The following RCCD1 variants were observed in gnomAD, a reference collection of about 807,000 sequenced individuals.
RCCD1 encodes RCC1 domain containing 1.
In RCCD1, 40 loss-of-function variants were observed where a neutral mutation model predicts 37.6. That is an observed-to-expected ratio of 1.06 (90% CI 0.83 to 1.39). The LOEUF (loss-of-function observed/expected upper bound fraction) is 1.39, where lower values mean the gene tolerates loss of function less well. RCCD1 is among the 40% of genes most tolerant of loss of function. The pLI, the probability that RCCD1 is intolerant of heterozygous loss-of-function variation, is 0.00. For synonymous variants in RCCD1, 263 were observed against 230.0 expected (o/e 1.14, Z -1.30); for missense variants, 577 against 517.3 (o/e 1.12, Z -1.12).
chr15:90,956,140 G>A (rs374623576), intron 1 of RCCD1, among the ~76,000 whole-genome samples: 44 of 152,316 alleles, frequency 2.9e-4, no homozygotes, highest in African/African-American at 1.1e-3. Context: ...CCAAGGCCCC[G>A]CTGAGTTGCA....
rs1160828563 is a variant in RCCD1 at position 90,960,478 on chromosome 15, G to T, written c.929G>T (p.Arg310Leu). The change falls in exon 6 of 8, where the codon CGG (arginine) becomes CTG (leucine). Residue 310 changes from arginine to leucine, a missense_variant. Transcript: ENST00000394258. ...GCAGTCAAGGCCAGCTGTGGATCCC[G>T]GCACACAGCTGTGGTGACACGTGAG... ...SDAVKASCGS[R>L]HTAVVTRTGE... 6.2e-7 allele frequency: 1 copy of T among 1,610,662 alleles called. No homozygotes were observed. Among genetic ancestry groups the T allele is most frequent in the Admixed American group, 1.7e-5 (1 of 59,958 alleles).
rs757183807 is a variant in RCCD1 at position 90,956,887 on chromosome 15, C to T, written c.153C>T (p.Thr51=). Residue 51 remains threonine (T), a synonymous_variant, in exon 2 of 8, where the codon ACC becomes ACT. Transcript: ENST00000394258. ...GCGTGAGCGCGAGCTGGAGCTACAC[C>T]GCTTTCGTGACCCGTGAGCACTCCC... ...ICRVSASWSY[T]AFVTRGGRLE... The T allele has an allele frequency of 2.3e-6, 3 of 1,289,224 alleles. No individual in the cohort carries two copies. Among genetic ancestry groups the T allele is most frequent in the East Asian group, 2.9e-5 (1 of 33,956 alleles). 79.9% of individuals were successfully genotyped at this position (1,289,224 alleles called of 1,614,324 possible). A position where few individuals can be genotyped will look rare whatever the true frequency, so the allele number is the denominator to read the frequency against.
chr15:90,961,634 G>C lies in RCCD1; in HGVS notation c.996G>C (p.Leu332=). The C allele has an allele frequency of 1.2e-6, 2 of 1,613,502 alleles. No individual in the cohort carries two copies. The highest frequency in any genetic ancestry group is 1.7e-6 in the Non-Finnish European group (2 of 1,179,686). The part of the protein sequence containing the change: ...YTWGWGKYGQ[L]GHEDTTSLDR... The stretch of plus-strand genomic sequence containing the variant: ...TCACTTTAGGTAAATATGGACAGCT[G>C]GGCCACGAGGACACCACCAGCTTGG... Residue 332 remains leucine, a synonymous_variant, in exon 8 of 8, where the codon CTG becomes CTC. Coordinates refer to ENST00000394258, the MANE Select transcript of RCCD1 (RefSeq NM_001017919.2).
rs746912439 is a variant in RCCD1, at chr15:90,960,393, G to GC, written c.849dup (p.Phe284LeufsTer45). ...GGGTGGGGCTGAGGATGGAGCCCCT[G>GC]CCCCCTTCATAGCTGTCCAGCCCTT... On this transcript the variant is annotated frameshift_variant, in exon 6 of 8. Transcript: ENST00000394258. LOFTEE classifies it high-confidence loss of function. 6.8e-5 allele frequency: 109 copies of GC among 1,613,622 alleles called. No homozygotes were observed. The highest frequency in any genetic ancestry group is 9.0e-5 in the Non-Finnish European group (106 of 1,179,938).
rs1427087514 is a variant in RCCD1, at chr15:90,961,964, A to G, written c.*195A>G. 4.6e-6 allele frequency: 2 copies of G among 435,526 alleles called. No homozygotes were observed. Among genetic ancestry groups the G allele is most frequent in the Non-Finnish European group, 8.2e-6 (2 of 245,110 alleles). 27.0% of individuals were successfully genotyped at this position (435,526 alleles called of 1,614,324 possible). On this transcript the variant is annotated 3_prime_UTR_variant, in exon 8 of 8. Transcript: ENST00000394258. ...ATTGAAAACTCTGCTGCCTAAGGTC[A>G]GCATCAATCAAAACAATGAAATCAA...
rs923179947 is a variant in RCCD1, at chr15:90,960,397, C to A, written c.848C>A (p.Pro283His). ...GGGGCTGAGGATGGAGCCCCTGCCC[C>A]CTTCATAGCTGTCCAGCCCTTCCCG... Reference protein sequence around the residue: ...TGGAEDGAPAPFIAVQPFPAL... With the variant: ...TGGAEDGAPAHFIAVQPFPAL... Residue 283 changes from proline (P) to histidine (H), a missense_variant, in exon 6 of 8, where the codon CCC (proline) becomes CAC (histidine). Physicochemically the swap from Pro to His is moderately conservative, Grantham distance 77 (BLOSUM62 -2). Coordinates refer to ENST00000394258, the MANE Select transcript of RCCD1 (RefSeq NM_001017919.2). 3.1e-6 allele frequency: 5 copies of A among 1,613,860 alleles called. No individual in the cohort carries two copies. Among genetic ancestry groups the A allele is most frequent in the Non-Finnish European group, 4.2e-6 (5 of 1,179,988 alleles).
intron 6 of RCCD1, 122 bp downstream of exon 6, chr15:90,960,620 A>G (rs1420687501): frequency 1.1e-6 from 1 of 900,250 alleles, no homozygotes; most frequent in Non-Finnish European, 1.6e-6. Context: ...TACCTTGCTC[A>G]GTGGATAAGC....
Position 90,957,335 on chromosome 15 carries a change from A to G in RCCD1, c.389A>G (p.Gln130Arg). The G allele has an allele frequency of 6.5e-7, 1 of 1,545,742 alleles. No homozygotes were observed. Among genetic ancestry groups the G allele is most frequent in the East Asian group, 2.5e-5 (1 of 40,756 alleles). ...GAAGACGATCCGGCCGGTGAGGCCC[A>G]GGCTGGGAGGCTACCCCTGCTGCCC... The part of the protein sequence containing the change: ...EGEDDPAGEA[Q>R]AGRLPLLPCA... Residue 130 changes from glutamine (Q) to arginine (R), a missense_variant, in exon 3 of 8, where the codon CAG (glutamine) becomes CGG (arginine). Gln to Arg is a conservative substitution (Grantham distance 43, BLOSUM62 1). Transcript: ENST00000394258.
Position 90,959,944 on chromosome 15 carries a change from C to G in RCCD1, c.724C>G (p.Leu242Val), listed in dbSNP as rs1037812535. The part of the protein sequence containing the change: ...YIWGWNESGQ[L>V]ALPTRNLAED... ...CTGGGGCTGGAATGAATCAGGGCAG[C>G]TGGCCCTGCCCACCAGGAACCTGGC... The change falls in exon 5 of 8, where the codon CTG becomes GTG. Residue 242 changes from leucine to valine, a missense_variant. Transcript: ENST00000394258. 6.2e-7 allele frequency: 1 copy of G among 1,613,724 alleles called. No homozygotes were observed.
At position 90,956,681 on chromosome 15, in the gene RCCD1, T is replaced by C. The variant is rs1276221691; in HGVS notation, c.-54T>C. Reference sequence around the variant, plus strand: ...CCCACTAGCGGGCTCTTCGCAAGAATCCCCCCGGGCCCGCCGCAGCCAGGC... The same window carrying C: ...CCCACTAGCGGGCTCTTCGCAAGAACCCCCCCGGGCCCGCCGCAGCCAGGC... On this transcript the variant is annotated 5_prime_UTR_variant, in exon 2 of 8. Transcript: ENST00000394258. 4 of 1,232,136 alleles carry C rather than the reference T, an allele frequency of 3.2e-6. No individual in the cohort carries two copies. Among genetic ancestry groups the C allele is most frequent in the East Asian group, 3.2e-5 (1 of 31,394 alleles). 76.3% of individuals were successfully genotyped at this position (1,232,136 alleles called of 1,614,324 possible). A position where few individuals can be genotyped will look rare whatever the true frequency, so the allele number is the denominator to read the frequency against.
intron 4 of RCCD1, 96 bp from the exon 5 acceptor site, chr15:90,959,804 T>G: frequency 3.0e-5 from 28 of 936,878 alleles, no homozygotes; most frequent in Non-Finnish European, 4.1e-5. Flanking sequence ...AGGGCAGGCT[T>G]TAGTTGTCCC....
In RCCD1 at chr15:90,956,758, C is replaced by A. The variant is rs1421400834; in HGVS notation, c.24C>A (p.Ala8=). Residue 8 remains alanine, a synonymous_variant, in exon 2 of 8, where the codon GCC becomes GCA. Coordinates refer to ENST00000394258, the MANE Select transcript of RCCD1 (RefSeq NM_001017919.2). ...GCATGGCGGAGGAGCGGCCGGGGGC[C>A]TGGTTCGGCTTCGGTTTCTGCGGCT... MAEERPG[A]WFGFGFCGFG... 6.0e-6 allele frequency: 8 copies of A among 1,328,660 alleles called. No individual in the cohort carries two copies. Among genetic ancestry groups the A allele is most frequent in the Non-Finnish European group, 7.7e-6 (8 of 1,039,272 alleles). 82.3% of individuals were successfully genotyped at this position (1,328,660 alleles called of 1,614,324 possible).
chr15:90,960,809 G>A, intron 6 of RCCD1: 3 of 658,196 alleles, frequency 4.6e-6, no homozygotes, highest in South Asian at 3.5e-5. Flanking sequence ...GCGGCGCTCG[G>A]TAGCATGGCA....
chr15:90,955,246 C>G (rs1183954435), intron 1 of RCCD1: 1 of 152,176 alleles, frequency 6.6e-6, no homozygotes, highest in Non-Finnish European at 1.5e-5. Context: ...GCGGCCGCCG[C>G]GCCCCGGGCG....
chr15:90,956,956 C>G, intron 2 of RCCD1, 56 bp downstream of exon 2: 1 of 1,270,008 alleles, frequency 7.9e-7, no homozygotes, highest in African/African-American at 1.5e-5. Context: ...CAGTCGCCTC[C>G]CCGCACCGCT....
At position 90,957,413 on chromosome 15, in the gene RCCD1, C is replaced by G. The variant is rs1232185112; in HGVS notation, c.467C>G (p.Pro156Arg). Residue 156 changes from proline (P) to arginine (R), a missense_variant, in exon 3 of 8, where the codon CCG becomes CGG. By Grantham distance (103) the Pro-to-Arg change is moderately radical. Coordinates refer to ENST00000394258, the MANE Select transcript of RCCD1 (RefSeq NM_001017919.2). The stretch of plus-strand genomic sequence containing the variant: ...GCGCCCTTCTACCGGCCTCTGGCTC[C>G]GGAGCTGCGGGCACGCCAGCTGGAG... ...PRAPFYRPLA[P>R]ELRARQLELG... is the part of the protein sequence containing the mutation. 6.5e-7 allele frequency: 1 copy of G among 1,540,442 alleles called. No individual in the cohort carries two copies. Among genetic ancestry groups the G allele is most frequent in the Non-Finnish European group, 8.7e-7 (1 of 1,145,740 alleles).
At chr15:90,955,717 C>G (rs187897973) in intron 1 of RCCD1, 1 of 114,894 alleles carries the variant, frequency 8.7e-6, no homozygotes, top group South Asian at 2.4e-4. Flanking sequence ...AAAAAAAAAA[C>G]AAACCCGCTC....
intron 1 of RCCD1, chr15:90,955,603 A>T (rs1198742966): frequency 6.6e-6 from 1 of 152,108 alleles, no homozygotes; most frequent in Non-Finnish European, 1.5e-5. Flanking sequence ...CACGCCTGTA[A>T]TCCCAACGCT....
chr15:90,962,261 T>G lies in RCCD1; in HGVS notation c.*492T>G, dbSNP rs931424140. On this transcript the variant is annotated 3_prime_UTR_variant, in exon 8 of 8. Coordinates refer to ENST00000394258, the MANE Select transcript of RCCD1 (RefSeq NM_001017919.2). ...GTCGTTTTTGTCACTCAGCATTGTA[T>G]AATCCATCCTTGTTGGGTCCTGGAG... 6.5e-6 allele frequency: 1 copy of G among 153,910 alleles called. No individual in the cohort carries two copies. Among genetic ancestry groups the G allele is most frequent in the African/African-American group, 2.4e-5 (1 of 41,474 alleles). 9.5% of individuals were successfully genotyped at this position (153,910 alleles called of 1,614,324 possible).
Sources: allele counts gnomAD v4.1 joint callset (sites outside exome capture counted in the v4.1 genomes callset), GRCh38; gene constraint gnomAD v4.1.1; transcripts MANE v1.5; gene names NCBI Gene and HGNC (gene_info 2026-07-23, HGNC 2026-07-21).